Variants in GPC6 observed in about 807,000 individuals in gnomAD.
The protein encoded by GPC6 is glypican-6.
In GPC6, 14 loss-of-function variants were observed where a neutral mutation model predicts 55.2. That is an observed-to-expected ratio of 0.25 (90% CI 0.17 to 0.40). The LOEUF (loss-of-function observed/expected upper bound fraction) is 0.40, where lower values mean the gene tolerates loss of function less well. Ranked by LOEUF, GPC6 falls within the 10% of genes least tolerant of loss-of-function variation. The pLI is 1.00. For missense variants in GPC6, 641 were observed against 708.5 expected (o/e 0.90, Z 1.08); for synonymous variants, 278 against 259.6 (o/e 1.07, Z -0.68).
At chr13:93,832,325 A>G (rs996162141) in intron 3 of GPC6, among the ~76,000 whole-genome samples, 2 of 151,382 alleles carry the variant, frequency 1.3e-5, no homozygotes, top group Admixed American at 6.6e-5. Flanking sequence ...TCTTGAGTAG[A>G]TGCATTTTGT....
chr13:93,794,682 A>G (rs1260406724), intron 2 of GPC6, among the ~76,000 whole-genome samples: 1 of 152,146 alleles, frequency 6.6e-6, no homozygotes, highest in Non-Finnish European at 1.5e-5. Flanking sequence ...GTGACCCGTC[A>G]GGGGGGATAC....
chr13:94,030,813 C>T (rs1057033216), intron 4 of GPC6, among the ~76,000 whole-genome samples: 3 of 152,038 alleles, frequency 2.0e-5, no homozygotes, highest in African/African-American at 7.3e-5. Context: ...TGCAATCGAC[C>T]GTCAATAAAA....
At chr13:93,744,891 T>G (rs777327020) in intron 2 of GPC6, among the ~76,000 whole-genome samples, 1 of 151,432 alleles carries the variant, frequency 6.6e-6, no homozygotes, top group Non-Finnish European at 1.5e-5. Context: ...CAAGATCACA[T>G]CTATCTCTGC....
intron 2 of GPC6, among the ~76,000 whole-genome samples, chr13:93,584,434 C>T (rs534452985): frequency 1.6e-4 from 25 of 152,096 alleles, no homozygotes; most frequent in African/African-American, 6.0e-4. Context: ...GTCTCATTCT[C>T]TCATGAATGT....
chr13:94,261,829 C>A (rs1346661495), intron 4 of GPC6, among the ~76,000 whole-genome samples: 1 of 152,082 alleles, frequency 6.6e-6, no homozygotes, highest in Non-Finnish European at 1.5e-5. Flanking sequence ...CAGTTTGTGG[C>A]CAAAACCAGA....
intron 1 of GPC6, among the ~76,000 whole-genome samples, chr13:93,286,534 A>T (rs1188106283): frequency 6.6e-6 from 1 of 152,154 alleles, no homozygotes; most frequent in East Asian, 1.9e-4. Context: ...CTTTCCTACC[A>T]AGTTGAAGAA....
intron 5 of GPC6, among the ~76,000 whole-genome samples, chr13:94,293,198 G>A (rs1439696428): frequency 1.3e-5 from 2 of 152,100 alleles, no homozygotes; most frequent in African/African-American, 4.8e-5. Context: ...CCAGGCACAA[G>A]GAATACAATA....
At chr13:93,528,402 G>A (rs930844167) in intron 1 of GPC6, among the ~76,000 whole-genome samples, 1 of 152,120 alleles carries the variant, frequency 6.6e-6, no homozygotes, top group African/African-American at 2.4e-5. Flanking sequence ...TATGCATTAA[G>A]AGTCAGAGAG....
At chr13:94,097,404 G>A (rs1424407506) in intron 4 of GPC6, among the ~76,000 whole-genome samples, 1 of 151,606 alleles carries the variant, frequency 6.6e-6, no homozygotes, top group Admixed American at 6.6e-5. Context: ...CTACCGAGGA[G>A]GCTGAGGCAG....
At chr13:93,389,750 G>A (rs543429340) in intron 1 of GPC6, among the ~76,000 whole-genome samples, 36 of 151,692 alleles carry the variant, frequency 2.4e-4, no homozygotes, top group Non-Finnish European at 4.3e-4. Flanking sequence ...ATGGAATCAT[G>A]TTACATTTAT....
At chr13:94,074,654 C>T (rs935354679) in intron 4 of GPC6, among the ~76,000 whole-genome samples, 1 of 152,200 alleles carries the variant, frequency 6.6e-6, no homozygotes, top group Non-Finnish European at 1.5e-5. Flanking sequence ...CCCAAATCAC[C>T]TGGCTTTCAG....
intron 4 of GPC6, among the ~76,000 whole-genome samples, chr13:94,137,154 G>A (rs1264444763): frequency 1.3e-5 from 2 of 152,154 alleles, no homozygotes; most frequent in African/African-American, 2.4e-5. Context: ...ATTTTAGATC[G>A]CTTGTACATG....
At chr13:94,207,226 GCTCCTTC>G (rs1158976905) in intron 4 of GPC6, among the ~76,000 whole-genome samples, 1 of 152,124 alleles carries the variant, frequency 6.6e-6, no homozygotes, top group Non-Finnish European at 1.5e-5. Context: ...AGAGATCTGT[GCTCCTTC>G]CTTCATGGCA....
intron 4 of GPC6, among the ~76,000 whole-genome samples, chr13:94,224,994 C>T (rs1386807356): frequency 6.6e-6 from 1 of 152,094 alleles, no homozygotes; most frequent in Non-Finnish European, 1.5e-5. Context: ...TTTAAATTTT[C>T]CATAGAAAGC....
intron 3 of GPC6, among the ~76,000 whole-genome samples, chr13:93,952,745 A>T (rs978343522): frequency 4.7e-5 from 7 of 149,750 alleles, no homozygotes. Context: ...GTGTGTGTGT[A>T]TGTGCGTGTG....
intron 2 of GPC6, among the ~76,000 whole-genome samples, chr13:93,569,479 T>A (rs1171477285): frequency 6.6e-6 from 1 of 152,102 alleles, no homozygotes; most frequent in Non-Finnish European, 1.5e-5. Flanking sequence ...CTGATAAGAT[T>A]GAACTTGAGA....
chr13:94,067,640 TAGAC>T lies in GPC6; in HGVS notation c.877+39749_877+39752del, dbSNP rs1049911966. Reference sequence around the variant, plus strand: ...ATAGATAGACAGACAGACAGACAGATAGACAGGAAAGAGGGAGAAAAGAGATATT... The same window carrying T: ...ATAGATAGACAGACAGACAGACAGATAGGAAAGAGGGAGAAAAGAGATATT... On this transcript the variant is annotated intron_variant, in intron 4 of 8. Transcript: ENST00000377047. Among the ~76,000 whole-genome samples, 21 of 149,734 alleles carry T rather than the reference TAGAC, an allele frequency of 1.4e-4. No homozygotes were observed. In the East Asian group the frequency reaches 3.4e-3, roughly 24 times the overall value.
chr13:93,621,621 A>T (rs1243498260), intron 2 of GPC6, among the ~76,000 whole-genome samples: 1 of 152,060 alleles, frequency 6.6e-6, no homozygotes, highest in Non-Finnish European at 1.5e-5. Flanking sequence ...CAATATAAGC[A>T]TGTTCAAAAA....
chr13:94,014,435 G>A (rs538389404), intron 3 of GPC6, among the ~76,000 whole-genome samples: 3 of 152,090 alleles, frequency 2.0e-5, no homozygotes, highest in African/African-American at 2.4e-5. Context: ...CTTTAGCTCC[G>A]AAATCCCTTT....
Sources: gnomAD v4.1 joint callset for allele counts (sites outside exome capture counted in the v4.1 genomes callset) on GRCh38, gnomAD v4.1.1 for gene constraint, MANE v1.5 for transcripts, NCBI Gene and HGNC (gene_info 2026-07-23, HGNC 2026-07-21) for gene names.